Variants in SORCS2 observed in about 807,000 individuals in gnomAD.
SORCS2 encodes the protein VPS10 domain-containing receptor SorCS2.
A neutral mutation model predicts 141.6 loss-of-function variants in SORCS2; 100 were observed. The observed-to-expected ratio is 0.71, with a 90% CI of 0.60 to 0.83. The LOEUF is 0.83. Ranked by LOEUF, SORCS2 falls within the 40% of genes least tolerant of loss-of-function variation. SORCS2 has a pLI of 0.00. For missense variants in SORCS2, 1,646 were observed against 1,560.2 expected (o/e 1.05, Z -0.93); for synonymous variants, 789 against 676.9 (o/e 1.17, Z -2.57).
At chr4:7,515,012 C>T (rs1254500513) in intron 2 of SORCS2, among the ~76,000 whole-genome samples, 1 of 152,196 alleles carries the variant, frequency 6.6e-6, no homozygotes, top group Non-Finnish European at 1.5e-5. Flanking sequence ...GCATGGACAA[C>T]CCAGACTTGT....
chr4:7,238,998 G>T (rs1008292354), intron 1 of SORCS2, among the ~76,000 whole-genome samples: 2 of 152,226 alleles, frequency 1.3e-5, no homozygotes, highest in Admixed American at 1.3e-4. Context: ...GGAGCACTAG[G>T]CATGGCCCAC....
intron 3 of SORCS2, among the ~76,000 whole-genome samples, chr4:7,611,729 T>C (rs971646350): frequency 7.9e-5 from 12 of 152,258 alleles, no homozygotes; most frequent in African/African-American, 2.7e-4. Flanking sequence ...GAATCCTCCA[T>C]GGCACATGAA....
intron 2 of SORCS2, among the ~76,000 whole-genome samples, chr4:7,514,878 G>C (rs1732879453): frequency 6.6e-6 from 1 of 152,166 alleles, no homozygotes; most frequent in African/African-American, 2.4e-5. Flanking sequence ...TGCTGGCATA[G>C]ACTGTCCGCA....
intron 1 of SORCS2, among the ~76,000 whole-genome samples, chr4:7,319,393 C>A (rs1335375470): frequency 1.3e-5 from 2 of 152,064 alleles, no homozygotes; most frequent in African/African-American, 4.8e-5. Context: ...GTCTGACTTA[C>A]ATGGCATTTT....
chr4:7,620,995 A>C (rs1398290563), intron 3 of SORCS2, among the ~76,000 whole-genome samples: 1 of 151,882 alleles, frequency 6.6e-6, no homozygotes, highest in East Asian at 1.9e-4. Context: ...AGGCCCAGGG[A>C]GGCAGTGGCT....
intron 1 of SORCS2, among the ~76,000 whole-genome samples, chr4:7,207,912 C>T (rs770998229): frequency 1.3e-5 from 2 of 152,122 alleles, no homozygotes; most frequent in Admixed American, 1.3e-4. Flanking sequence ...AATTTCTTTC[C>T]ATCTTGCCTG....
intron 2 of SORCS2, among the ~76,000 whole-genome samples, chr4:7,473,149 T>C (rs566073358): frequency 6.4e-4 from 97 of 152,326 alleles, no homozygotes; most frequent in Non-Finnish European, 8.4e-4. Context: ...CAAATGCTAA[T>C]GACCAAACAT....
At chr4:7,523,629 G>A (rs529575175) in intron 2 of SORCS2, among the ~76,000 whole-genome samples, 5 of 152,182 alleles carry the variant, frequency 3.3e-5, no homozygotes, top group East Asian at 1.9e-4. Flanking sequence ...ACCATGAGCC[G>A]GGGCAGCAAC....
chr4:7,699,426 TG>T (rs1360018510), intron 12 of SORCS2, among the ~76,000 whole-genome samples: 6 of 152,066 alleles, frequency 3.9e-5, no homozygotes, highest in Non-Finnish European at 8.8e-5. Flanking sequence ...GGAGGGTGGC[TG>T]GGGCAGGCGT....
chr4:7,644,306 G>A (rs1455669302), intron 4 of SORCS2, among the ~76,000 whole-genome samples: 1 of 152,150 alleles, frequency 6.6e-6, no homozygotes, highest in Admixed American at 6.5e-5. Context: ...CTTCCATAAA[G>A]CCAGTGACTG....
At position 7,729,600 on chromosome 4, in the gene SORCS2, C is replaced by A; in HGVS notation, c.2996C>A (p.Pro999His). 1 of 1,586,490 alleles carries A rather than the reference C, an allele frequency of 6.3e-7. No individual in the cohort carries two copies. Among genetic ancestry groups the A allele is most frequent in the East Asian group, 2.3e-5 (1 of 43,256 alleles). The change falls in exon 23 of 27, where the codon CCT becomes CAT. Residue 999 changes from proline to histidine, a missense_variant. By Grantham distance (77) the Pro-to-His change is moderately conservative. Coordinates refer to ENST00000507866, the MANE Select transcript of SORCS2 (RefSeq NM_020777.3). ...TRLLSKETSV[P>H]QELLVTVVKP... is the part of the protein sequence containing the mutation. ...CTCTCCCCGCAGGAGACCAGCGTCC[C>A]TCAGGAGCTTCTGGTGACTGTGGTG...
intron 1 of SORCS2, among the ~76,000 whole-genome samples, chr4:7,324,157 T>C (rs1553841011): frequency 6.6e-6 from 1 of 152,222 alleles, no homozygotes; most frequent in Non-Finnish European, 1.5e-5. Flanking sequence ...CTAAAGCCTA[T>C]TCCCTTTCCA....
chr4:7,471,898 A>G (rs1188089068), intron 2 of SORCS2, among the ~76,000 whole-genome samples: 2 of 152,232 alleles, frequency 1.3e-5, no homozygotes, highest in Admixed American at 1.3e-4. Flanking sequence ...CCTAGGTCCA[A>G]GCAGTCATAG....
Position 7,233,062 on chromosome 4 carries a change from C to A in SORCS2, c.480+39936C>A, listed in dbSNP as rs1456246920. ...TTTCTGGGGCATGGGTCAGCTGAGC[C>A]CAGGAGTCAGGCTTCGGCACCCGCA... On this transcript the variant is annotated intron_variant, in intron 1 of 26. Transcript: ENST00000507866. This position sits in a 1 kb window ranked among gnomAD's most constrained non-coding sequence, Gnocchi z 4.5. 6.6e-6 allele frequency among the ~76,000 whole-genome samples: 1 copy of A among 152,138 alleles called. No homozygotes were observed. Among genetic ancestry groups the A allele is most frequent in the Admixed American group, 6.5e-5 (1 of 15,278 alleles).
At chr4:7,695,834 G>T (rs1248014845) in intron 11 of SORCS2, among the ~76,000 whole-genome samples, 1 of 114,704 alleles carries the variant, frequency 8.7e-6, no homozygotes, top group Non-Finnish European at 1.9e-5. Context: ...ATGGATTGGT[G>T]GGTGGGTGGA....
chr4:7,714,371 G>C lies in SORCS2; in HGVS notation c.2121G>C (p.Leu707=). Residue 707 remains leucine (L), a splice_region_variant and synonymous_variant, in exon 16 of 27, where the codon CTG becomes CTC. Transcript: ENST00000507866. ...RVCECRDSDF[L]CDYGFERSSS... ...GCGAGTGCCGGGACTCGGACTTCCT[G>C]TGGTGAGCGACGGGCTCCTGGCCAC... The C allele has an allele frequency of 6.4e-7, 1 of 1,551,998 alleles. No individual in the cohort carries two copies. The highest frequency in any genetic ancestry group is 8.7e-7 in the Non-Finnish European group (1 of 1,147,528).
intron 2 of SORCS2, among the ~76,000 whole-genome samples, chr4:7,507,437 G>A (rs1356330114): frequency 3.3e-5 from 5 of 152,208 alleles, no homozygotes; most frequent in Admixed American, 6.5e-5. Context: ...GCCTCCCAAA[G>A]TGCTGAGATT....
chr4:7,338,179 G>A (rs1720119187), intron 1 of SORCS2, among the ~76,000 whole-genome samples: 1 of 148,950 alleles, frequency 6.7e-6, no homozygotes, highest in Non-Finnish European at 1.5e-5. Context: ...ATGGATGGAT[G>A]GATGTTGGAT....
chr4:7,525,964 AGT>A (rs1205961108), intron 2 of SORCS2, among the ~76,000 whole-genome samples: 1 of 110,960 alleles, frequency 9.0e-6, no homozygotes, highest in Non-Finnish European at 1.8e-5. Context: ...TCCCCTTCTC[AGT>A]CACCTGTCCC....
Sources: gnomAD v4.1 joint callset for allele counts (sites outside exome capture counted in the v4.1 genomes callset) on GRCh38, gnomAD v4.1.1 for gene constraint, Gnocchi (gnomAD v3.1) non-coding constraint, MANE v1.5 for transcripts, NCBI Gene and HGNC (gene_info 2026-07-23, HGNC 2026-07-21) for gene names.